The following ARIH2 variants were observed in gnomAD, a reference collection of about 807,000 sequenced individuals.
ARIH2 encodes the protein E3 ubiquitin-protein ligase ARIH2.
Under a neutral mutation model 79.8 loss-of-function variants are expected in ARIH2, and 12 were observed. That is an observed-to-expected ratio of 0.15 (90% CI 0.10 to 0.24). The LOEUF is 0.24. Ranked by LOEUF, ARIH2 falls within the 10% of genes least tolerant of loss-of-function variation. The probability of loss-of-function intolerance (pLI) is 1.00; values close to 1 mark genes in which losing one functional copy is unlikely to be tolerated. For synonymous variants in ARIH2, 224 were observed against 213.9 expected (o/e 1.05, Z -0.41); for missense variants, 301 against 618.3 (o/e 0.49, Z 5.44).
intron 11 of ARIH2, among the ~76,000 whole-genome samples, chr3:48,977,647 CG>C (rs1035373872): frequency 6.6e-6 from 1 of 152,102 alleles, no homozygotes; most frequent in Admixed American, 6.6e-5. Context: ...TTGGTAGAGA[CG>C]GGGTTTCACC....
At chr3:48,966,300 C>G (rs2091787610) in intron 5 of ARIH2, among the ~76,000 whole-genome samples, 1 of 152,122 alleles carries the variant, frequency 6.6e-6, no homozygotes, top group Non-Finnish European at 1.5e-5. Context: ...GAATCCAGTT[C>G]TTTTTCTCAA....
Position 48,919,245 on chromosome 3 carries a change from G to A in ARIH2, c.-162+247G>A, listed in dbSNP as rs910932978. On this transcript the variant is annotated intron_variant, in intron 1 of 15. Transcript: ENST00000356401. Reference sequence around the variant, plus strand: ...GGAAAGGTCAGAGGCCACCGCCTCTGACCAACCGGCGCCGGCACATCTAGG... The same window carrying A: ...GGAAAGGTCAGAGGCCACCGCCTCTAACCAACCGGCGCCGGCACATCTAGG... 21 of 1,234,402 alleles carry A rather than the reference G, an allele frequency of 1.7e-5. No homozygotes were observed. In the African/African-American group the frequency reaches 2.8e-4, roughly 17 times the overall value. 76.5% of individuals were successfully genotyped at this position (1,234,402 alleles called of 1,614,324 possible). A position where few individuals can be genotyped will look rare whatever the true frequency, so the allele number is the denominator to read the frequency against.
chr3:48,959,649 C>CAAAAAAAAAAAAAAA (rs71077758), intron 3 of ARIH2, among the ~76,000 whole-genome samples: 286 of 50,028 alleles, frequency 5.7e-3, no homozygotes, highest in African/African-American at 6.6e-3. Context: ...TAAAAAATAC[C>CAAAAAAAAAAAAAAA]AAAAAAAAAA....
At chr3:48,963,305 T>C (rs1179425730) in intron 4 of ARIH2, among the ~76,000 whole-genome samples, 2 of 152,056 alleles carry the variant, frequency 1.3e-5, no homozygotes, top group Non-Finnish European at 2.9e-5. Flanking sequence ...AGGATATCTC[T>C]CACTGCCCAC....
intron 3 of ARIH2, among the ~76,000 whole-genome samples, chr3:48,928,839 T>G (rs9852448): frequency 0.021 from 3,203 of 152,258 alleles, 107 homozygotes; most frequent in African/African-American, 0.067. Context: ...GTTTTTTTTT[T>G]TGTGTGACTA....
intron 3 of ARIH2, among the ~76,000 whole-genome samples, chr3:48,956,405 C>T (rs1038049168): frequency 7.6e-6 from 1 of 132,078 alleles, no homozygotes; most frequent in Non-Finnish European, 1.5e-5. Flanking sequence ...TCCCAAAGTG[C>T]TGGGGTTACA....
At position 48,985,720 on chromosome 3, in the gene ARIH2, C is replaced by T. The variant is rs1480477883; in HGVS notation, c.*2450C>T. ...TTTCTGGCTGTTGGGGGAGAGGGCA[C>T]CTGTAAGTGATCCCTGTGGAATGAA... is the stretch of plus-strand genomic sequence containing the variant. On this transcript the variant is annotated 3_prime_UTR_variant, in exon 16 of 16. Transcript: ENST00000356401. 6.6e-6 allele frequency: 1 copy of T among 152,224 alleles called. No individual in the cohort carries two copies. Among genetic ancestry groups the T allele is most frequent in the Non-Finnish European group, 1.5e-5 (1 of 68,040 alleles). 9.4% of individuals were successfully genotyped at this position (152,224 alleles called of 1,614,324 possible).
intron 11 of ARIH2, among the ~76,000 whole-genome samples, chr3:48,975,619 C>T (rs1024579106): frequency 2.9e-4 from 44 of 151,442 alleles, no homozygotes; most frequent in Non-Finnish European, 7.4e-5. Flanking sequence ...GGCTGGAGTG[C>T]AGTGGCGCAG....
At chr3:48,941,858 C>CAGG (rs902467591) in intron 3 of ARIH2, among the ~76,000 whole-genome samples, 21 of 151,398 alleles carry the variant, frequency 1.4e-4, no homozygotes, top group Admixed American at 1.3e-3. Context: ...GCTGAGATTA[C>CAGG]AGGCGTGAGC....
At chr3:48,970,739 C>T in intron 8 of ARIH2, 35 bp downstream of exon 8, 1 of 1,519,268 alleles carries the variant, frequency 6.6e-7, no homozygotes, top group Non-Finnish European at 9.1e-7. Context: ...CAGCCCTGGG[C>T]TCATGCCCCA....
At chr3:48,963,971 T>C (rs2091529116) in intron 4 of ARIH2, among the ~76,000 whole-genome samples, 1 of 152,188 alleles carries the variant, frequency 6.6e-6, no homozygotes, top group African/African-American at 2.4e-5. Flanking sequence ...AATGGATTTT[T>C]AGGAGTTTTG....
intron 3 of ARIH2, among the ~76,000 whole-genome samples, chr3:48,948,376 C>G (rs1397768332): frequency 6.6e-6 from 1 of 152,188 alleles, no homozygotes; most frequent in Non-Finnish European, 1.5e-5. Context: ...TCAAGCGATT[C>G]TCCTGACTCA....
At chr3:48,946,691 G>A (rs999973817) in intron 3 of ARIH2, among the ~76,000 whole-genome samples, 4 of 151,962 alleles carry the variant, frequency 2.6e-5, no homozygotes, top group Non-Finnish European at 5.9e-5. Flanking sequence ...GAGAACAGAG[G>A]AGAGAGAGCT....
intron 3 of ARIH2, among the ~76,000 whole-genome samples, chr3:48,933,287 TGA>T (rs2086641100): frequency 2.9e-5 from 3 of 103,842 alleles, no homozygotes; most frequent in Admixed American, 2.1e-4. Flanking sequence ...TGTGTGTGTG[TGA>T]TCACAGGTGC....
chr3:48,950,436 T>G (rs772122265), intron 3 of ARIH2, among the ~76,000 whole-genome samples: 1 of 152,232 alleles, frequency 6.6e-6, no homozygotes, highest in Non-Finnish European at 1.5e-5. Context: ...GTATGTAGCT[T>G]TATAGTAAGT....
intron 3 of ARIH2, chr3:48,943,083 T>G (rs2088575063): frequency 6.6e-6 from 1 of 152,170 alleles, no homozygotes; most frequent in Admixed American, 6.5e-5. Context: ...CTCGCCAACC[T>G]CTTCTTTTTC....
chr3:48,958,225 G>T (rs1232127552), intron 3 of ARIH2, among the ~76,000 whole-genome samples: 2 of 152,180 alleles, frequency 1.3e-5, no homozygotes, highest in Admixed American at 6.5e-5. Context: ...GGAGGCTGAG[G>T]TGAGAGTATT....
chr3:48,934,141 A>G (rs2086793822), intron 3 of ARIH2, among the ~76,000 whole-genome samples: 1 of 151,966 alleles, frequency 6.6e-6, no homozygotes, highest in Admixed American at 6.6e-5. Context: ...AGGGCTTCTG[A>G]CTCTTAAGTG....
chr3:48,922,112 C>G (rs569165499), intron 1 of ARIH2, among the ~76,000 whole-genome samples: 1 of 151,948 alleles, frequency 6.6e-6, no homozygotes, highest in East Asian at 1.9e-4. Flanking sequence ...ATCTGAAGGA[C>G]AGAAATACTG....
Sources: allele counts gnomAD v4.1 joint callset (sites outside exome capture counted in the v4.1 genomes callset), GRCh38; gene constraint gnomAD v4.1.1; transcripts MANE v1.5; gene names NCBI Gene and HGNC (gene_info 2026-07-23, HGNC 2026-07-21).